The following HTR2A variants were observed in gnomAD, a reference collection of about 807,000 sequenced individuals.
The protein encoded by HTR2A is 5-hydroxytryptamine receptor 2A, also known as 5-HT2 receptor.
In HTR2A, 14 loss-of-function variants were observed where a neutral mutation model predicts 31.0. The ratio of observed to expected loss-of-function variants is 0.45; its 90% CI spans 0.30 to 0.71. HTR2A has a LOEUF of 0.71. Among genes scored for constraint, HTR2A ranks in the 30% least tolerant of loss-of-function variants. HTR2A has a pLI of 0.09. For missense variants in HTR2A, 442 were observed against 573.3 expected, an observed-to-expected ratio of 0.77 and a Z score of 2.34; for synonymous variants, 209 against 225.2, an observed-to-expected ratio of 0.93 and a Z score of 0.64.
In HTR2A at chr13:46,834,134, G is replaced by T. The variant is rs190839539; in HGVS notation, c.*703C>A. The T allele has an allele frequency of 6.5e-6, 1 of 152,740 alleles. No homozygotes were observed. Among genetic ancestry groups the T allele is most frequent in the Admixed American group, 6.5e-5 (1 of 15,294 alleles). 9.5% of individuals were successfully genotyped at this position (152,740 alleles called of 1,614,324 possible). ...GACCACACTGGAAATTCAGAGTAAA[G>T]CACAAGAAGTAGAAGAGAAAGCAGC... On this transcript the variant is annotated 3_prime_UTR_variant, in exon 4 of 4. Transcript: ENST00000542664.
chr13:46,847,490 T>C (rs1396813366), intron 3 of HTR2A, among the ~76,000 whole-genome samples: 3 of 152,230 alleles, frequency 2.0e-5, no homozygotes, highest in African/African-American at 7.2e-5. Context: ...GTAAACTGGA[T>C]AGTGCCTGAG....
At chr13:46,846,068 C>A (rs1200096648) in intron 3 of HTR2A, among the ~76,000 whole-genome samples, 2 of 152,112 alleles carry the variant, frequency 1.3e-5, no homozygotes, top group African/African-American at 4.8e-5. Context: ...AGGTAGGGAA[C>A]CTGCAGAATA....
At chr13:46,859,551 T>C (rs1214159957) in intron 3 of HTR2A, among the ~76,000 whole-genome samples, 3 of 151,966 alleles carry the variant, frequency 2.0e-5, no homozygotes, top group Non-Finnish European at 1.5e-5. Context: ...TTTCTGATGG[T>C]TTACCACCAT....
chr13:46,870,546 A>G (rs932788212), intron 3 of HTR2A, among the ~76,000 whole-genome samples: 6 of 152,210 alleles, frequency 3.9e-5, no homozygotes, highest in African/African-American at 1.4e-4. Flanking sequence ...GGATTAAAAC[A>G]TTTCTACTAC....
In HTR2A at chr13:46,895,400, T is replaced by A; in HGVS notation, c.412+95A>T. The A allele has an allele frequency of 9.2e-7, 1 of 1,086,072 alleles. No individual in the cohort carries two copies. 67.3% of individuals were successfully genotyped at this position (1,086,072 alleles called of 1,614,324 possible). A position where few individuals can be genotyped will look rare whatever the true frequency, so the allele number is the denominator to read the frequency against. On this transcript the variant is annotated intron_variant, in intron 2 of 3. Coordinates refer to ENST00000542664, the MANE Select transcript of HTR2A (RefSeq NM_000621.5). This position sits in a 1 kb window ranked among gnomAD's most constrained non-coding sequence, Gnocchi z 4.4. ...TATAAACAAAGACTTCTATTTATAGTTTGTTTGCCCCCTGAGCCCCATCTC... is the reference window on the plus strand; with the variant it reads ...TATAAACAAAGACTTCTATTTATAGATTGTTTGCCCCCTGAGCCCCATCTC...
intron 3 of HTR2A, among the ~76,000 whole-genome samples, chr13:46,868,867 T>C (rs1950841158): frequency 1.3e-5 from 2 of 152,200 alleles, no homozygotes; most frequent in Non-Finnish European, 2.9e-5. Flanking sequence ...AATATTCTTA[T>C]TAAGAAGTGT....
At chr13:46,862,457 TAAAAC>T (rs1300785587) in intron 3 of HTR2A, among the ~76,000 whole-genome samples, 1 of 152,082 alleles carries the variant, frequency 6.6e-6, no homozygotes, top group Admixed American at 6.5e-5. Flanking sequence ...TCAAGGTTAA[TAAAAC>T]AAAAACAGAA....
chr13:46,853,746 C>G (rs1008912616), intron 3 of HTR2A, among the ~76,000 whole-genome samples: 1 of 152,158 alleles, frequency 6.6e-6, no homozygotes, highest in Non-Finnish European at 1.5e-5. Context: ...GCAGCATCTA[C>G]GACTCTCAGC....
At chr13:46,881,955 G>C (rs1261792653) in intron 3 of HTR2A, among the ~76,000 whole-genome samples, 1 of 151,892 alleles carries the variant, frequency 6.6e-6, no homozygotes. Flanking sequence ...ATTCCTCTTG[G>C]ACCTAAATGA....
At chr13:46,874,577 A>G (rs189748988) in intron 3 of HTR2A, among the ~76,000 whole-genome samples, 284 of 152,380 alleles carry the variant, frequency 1.9e-3, no homozygotes, top group Non-Finnish European at 3.2e-3. Context: ...GAGAGAAACC[A>G]ATAGACAGAT....
intron 3 of HTR2A, among the ~76,000 whole-genome samples, chr13:46,861,604 T>G (rs1950779039): frequency 6.6e-6 from 1 of 152,238 alleles, no homozygotes; most frequent in South Asian, 2.1e-4. Flanking sequence ...ACTTACTGGC[T>G]TCTGTTTAAA....
intron 3 of HTR2A, among the ~76,000 whole-genome samples, chr13:46,843,201 G>A (rs981685432): frequency 2.0e-5 from 3 of 152,170 alleles, no homozygotes; most frequent in African/African-American, 7.2e-5. Context: ...AGAGTAGTGA[G>A]GTTGGCATAT....
intron 3 of HTR2A, among the ~76,000 whole-genome samples, chr13:46,864,436 C>T (rs1278427839): frequency 6.6e-6 from 1 of 152,124 alleles, no homozygotes; most frequent in Non-Finnish European, 1.5e-5. Flanking sequence ...TAAATTCTTT[C>T]TTTGGCTCTT....
chr13:46,893,742 A>T (rs1951074237), intron 2 of HTR2A, among the ~76,000 whole-genome samples: 1 of 152,132 alleles, frequency 6.6e-6, no homozygotes, highest in Non-Finnish European at 1.5e-5. Flanking sequence ...AGTTATGTAA[A>T]CCTTAATTAG....
intron 3 of HTR2A, among the ~76,000 whole-genome samples, chr13:46,855,625 T>C (rs1950729768): frequency 6.6e-6 from 1 of 151,214 alleles, no homozygotes; most frequent in African/African-American, 2.4e-5. Context: ...CCCAAAAGCT[T>C]TCCCTCCCTA....
chr13:46,872,242 T>C (rs1950867739), intron 3 of HTR2A, among the ~76,000 whole-genome samples: 2 of 152,216 alleles, frequency 1.3e-5, no homozygotes, highest in Admixed American at 1.3e-4. Flanking sequence ...GCACCTGTTT[T>C]GCTAGTGGTG....
intron 3 of HTR2A, among the ~76,000 whole-genome samples, chr13:46,856,491 G>C (rs1950738811): frequency 6.6e-6 from 1 of 152,142 alleles, no homozygotes; most frequent in South Asian, 2.1e-4. Flanking sequence ...CCCTACACTT[G>C]GGATGCAGGT....
rs935648358 is a variant in HTR2A at position 46,832,153 on chromosome 13, A to G, written c.*2684T>C. 6.6e-6 allele frequency: 1 copy of G among 152,262 alleles called. No individual in the cohort carries two copies. Among genetic ancestry groups the G allele is most frequent in the Non-Finnish European group, 1.5e-5 (1 of 68,038 alleles). The allele number at this position is 152,262 out of a possible 1,614,324, so 9.4% of individuals were successfully genotyped here. A position where few individuals can be genotyped will look rare whatever the true frequency, so the allele number is the denominator to read the frequency against. On this transcript the variant is annotated 3_prime_UTR_variant, in exon 4 of 4. Transcript: ENST00000542664. The stretch of plus-strand genomic sequence containing the variant: ...TAAAGTTCTTCCACAAAATTAGATT[A>G]ATTTCCAGTTTATTTAAAGAGCTGA...
intron 3 of HTR2A, among the ~76,000 whole-genome samples, chr13:46,862,006 A>G (rs149572086): frequency 8.5e-5 from 13 of 152,294 alleles, no homozygotes; most frequent in Admixed American, 2.6e-4. Flanking sequence ...CTGTCTTGCT[A>G]TTATTGCCTG....
Sources: allele counts gnomAD v4.1 joint callset (sites outside exome capture counted in the v4.1 genomes callset), GRCh38; gene constraint gnomAD v4.1.1; non-coding constraint Gnocchi (gnomAD v3.1); transcripts MANE v1.5; gene names NCBI Gene and HGNC (gene_info 2026-07-23, HGNC 2026-07-21).